SYN3: variants seen among roughly 807,000 people sequenced by gnomAD.
The protein encoded by SYN3 is synapsin III.
In SYN3, 35 loss-of-function variants were observed where a neutral mutation model predicts 65.8. That is an observed-to-expected ratio of 0.53 (90% CI 0.41 to 0.70). SYN3 has a LOEUF of 0.70. Among genes scored for constraint, SYN3 ranks in the 30% least tolerant of loss-of-function variants. The pLI is 0.00. For synonymous variants in SYN3, 270 were observed against 292.9 expected (o/e 0.92, Z 0.80); for missense variants, 680 against 749.0 (o/e 0.91, Z 1.08).
chr22:32,899,233 G>A (rs911328639), intron 4 of SYN3, among the ~76,000 whole-genome samples: 1 of 152,234 alleles, frequency 6.6e-6, no homozygotes, highest in Non-Finnish European at 1.5e-5. Flanking sequence ...ACAAACGGCA[G>A]CTCCCTTCCC....
intron 6 of SYN3, among the ~76,000 whole-genome samples, chr22:32,705,851 C>T (rs2147221789): frequency 6.6e-6 from 1 of 152,304 alleles, no homozygotes; most frequent in African/African-American, 2.4e-5. Context: ...ATTTGGCTCT[C>T]AGCTTGGCTG....
At chr22:32,780,177 G>A (rs1301522094) in intron 6 of SYN3, among the ~76,000 whole-genome samples, 2 of 152,062 alleles carry the variant, frequency 1.3e-5, no homozygotes, top group African/African-American at 4.8e-5. Context: ...TACCTGTCTG[G>A]TTACAAAGGA....
At chr22:32,592,109 T>C (rs947036911) in intron 7 of SYN3, among the ~76,000 whole-genome samples, 1 of 152,246 alleles carries the variant, frequency 6.6e-6, no homozygotes, top group Non-Finnish European at 1.5e-5. Context: ...AGGAATCCAC[T>C]GGGGGTCTTG....
At chr22:32,807,186 G>T (rs931146986) in intron 6 of SYN3, among the ~76,000 whole-genome samples, 1 of 149,314 alleles carries the variant, frequency 6.7e-6, no homozygotes, top group African/African-American at 2.5e-5. Flanking sequence ...ACCTTTAAGG[G>T]AAGAGTCTTG....
intron 6 of SYN3, among the ~76,000 whole-genome samples, chr22:32,698,916 G>T (rs1041718216): frequency 2.6e-5 from 4 of 152,056 alleles, no homozygotes; most frequent in Non-Finnish European, 4.4e-5. Flanking sequence ...GTTCCAGGAT[G>T]GGGGGGTGAC....
chr22:32,810,474 G>A (rs1440057077), intron 6 of SYN3, among the ~76,000 whole-genome samples: 2 of 146,116 alleles, frequency 1.4e-5, no homozygotes, highest in Non-Finnish European at 3.0e-5. Context: ...GCCTCAGAGA[G>A]CCCAAGGTAA....
intron 6 of SYN3, among the ~76,000 whole-genome samples, chr22:32,799,596 C>T (rs1283665172): frequency 6.6e-6 from 1 of 152,186 alleles, no homozygotes; most frequent in Non-Finnish European, 1.5e-5. Flanking sequence ...ATGTAAGATG[C>T]TTATCCAAAG....
intron 6 of SYN3, among the ~76,000 whole-genome samples, chr22:32,799,478 G>T (rs2046509489): frequency 6.6e-6 from 1 of 152,254 alleles, no homozygotes; most frequent in Non-Finnish European, 1.5e-5. Context: ...TTCAGCAGAA[G>T]TTATCTACTT....
At chr22:32,991,197 A>G (rs1468642880) in intron 2 of SYN3, among the ~76,000 whole-genome samples, 1 of 151,506 alleles carries the variant, frequency 6.6e-6, no homozygotes, top group Non-Finnish European at 1.5e-5. Flanking sequence ...AAAGAAAAAA[A>G]AAAATTAGCC....
intron 4 of SYN3, among the ~76,000 whole-genome samples, chr22:32,883,554 C>T (rs894532687): frequency 1.3e-5 from 2 of 152,220 alleles, no homozygotes; most frequent in Non-Finnish European, 2.9e-5. Flanking sequence ...TCTTCCTCCT[C>T]TTCTCTGCCC....
At chr22:32,900,890 C>T (rs188697451) in intron 4 of SYN3, among the ~76,000 whole-genome samples, 69 of 152,310 alleles carry the variant, frequency 4.5e-4, no homozygotes, top group African/African-American at 1.6e-3. Context: ...TCAATATCTG[C>T]CCCTTGTCCA....
At chr22:32,643,118 A>C (rs1318471436) in intron 6 of SYN3, among the ~76,000 whole-genome samples, 1 of 151,980 alleles carries the variant, frequency 6.6e-6, no homozygotes, top group Non-Finnish European at 1.5e-5. Flanking sequence ...TCACTCTGTC[A>C]CTCAGGCCGG....
At chr22:32,638,654 TG>T (rs2059853277) in intron 6 of SYN3, among the ~76,000 whole-genome samples, 1 of 152,236 alleles carries the variant, frequency 6.6e-6, no homozygotes, top group African/African-American at 2.4e-5. Flanking sequence ...TTTTTTTAAA[TG>T]GGGCTATCGG....
chr22:32,604,993 G>A (rs2059350761), intron 6 of SYN3, among the ~76,000 whole-genome samples: 4 of 135,696 alleles, frequency 2.9e-5, no homozygotes, highest in African/African-American at 8.2e-5. Context: ...GCGATAGAGC[G>A]AGACTCCATC....
intron 6 of SYN3, among the ~76,000 whole-genome samples, chr22:32,725,688 A>T (rs2061181020): frequency 6.6e-6 from 1 of 152,182 alleles, no homozygotes; most frequent in South Asian, 2.1e-4. Context: ...GCTGGAAAAG[A>T]TCAGGAAACA....
chr22:33,022,577 T>C (rs1260555531), intron 1 of SYN3, among the ~76,000 whole-genome samples: 1 of 152,166 alleles, frequency 6.6e-6, no homozygotes, highest in African/African-American at 2.4e-5. Flanking sequence ...ATCATTGTTC[T>C]CGTGAGTGGG....
intron 3 of SYN3, among the ~76,000 whole-genome samples, chr22:32,962,881 CTA>C (rs1368794813): frequency 2.0e-5 from 3 of 151,174 alleles, no homozygotes; most frequent in Non-Finnish European, 4.4e-5. Context: ...ACTTATCTAC[CTA>C]TCTCTCTCTA....
intron 6 of SYN3, among the ~76,000 whole-genome samples, chr22:32,677,625 C>T (rs2060464507): frequency 6.6e-6 from 1 of 151,906 alleles, no homozygotes; most frequent in African/African-American, 2.4e-5. Context: ...GGTGAAACTC[C>T]ATCTCTACTA....
At chr22:32,673,312 C>T (rs2147075431) in intron 6 of SYN3, among the ~76,000 whole-genome samples, 1 of 152,294 alleles carries the variant, frequency 6.6e-6, no homozygotes, top group African/African-American at 2.4e-5. Context: ...CTCCTTCTCA[C>T]TATCTCCTCC....
Sources: allele counts gnomAD v4.1 joint callset (sites outside exome capture counted in the v4.1 genomes callset), GRCh38; gene constraint gnomAD v4.1.1; transcripts MANE v1.5; gene names NCBI Gene and HGNC (gene_info 2026-07-23, HGNC 2026-07-21).